The following ARHGAP44 variants were observed in gnomAD, a reference collection of about 807,000 sequenced individuals.
The protein encoded by ARHGAP44 is rho GTPase-activating protein 44.
ARHGAP44 carries 43 observed loss-of-function variants against 106.8 expected under a neutral mutation model. The observed-to-expected ratio is 0.40, with a 90% CI of 0.32 to 0.52. The LOEUF (loss-of-function observed/expected upper bound fraction) is 0.52, where lower values mean the gene tolerates loss of function less well. Ranked by LOEUF, ARHGAP44 falls within the 20% of genes least tolerant of loss-of-function variation. The pLI is 0.48. For missense variants in ARHGAP44, 866 were observed against 1,050.5 expected (o/e 0.82, Z 2.43); for synonymous variants, 439 against 410.3 (o/e 1.07, Z -0.85).
chr17:12,853,547 G>A (rs1456825930), intron 1 of ARHGAP44, among the ~76,000 whole-genome samples: 1 of 152,196 alleles, frequency 6.6e-6, no homozygotes, highest in Non-Finnish European at 1.5e-5. Flanking sequence ...AAAGGTAAAT[G>A]TGAGGACAGC....
At chr17:12,820,860 C>T (rs532525019) in intron 1 of ARHGAP44, among the ~76,000 whole-genome samples, 1 of 152,262 alleles carries the variant, frequency 6.6e-6, no homozygotes, top group South Asian at 2.1e-4. Context: ...CTCGGAAGAA[C>T]AACCTTTGTT....
At position 12,986,785 on chromosome 17, in the gene ARHGAP44, G is replaced by C. The variant is rs557110515; in HGVS notation, c.2317+1877G>C. 16 of 271,756 alleles carry C rather than the reference G, an allele frequency of 5.9e-5. No homozygotes were observed. In the South Asian group the frequency reaches 2.1e-3, roughly 36 times the overall value. 16.8% of individuals were successfully genotyped at this position (271,756 alleles called of 1,614,324 possible). Reference sequence around the variant, plus strand: ...GGGGAACAAAAGTGGGCAACAGAAGGCCTGGGAGGACAGCACCCCCAGGGC... The same window carrying C: ...GGGGAACAAAAGTGGGCAACAGAAGCCCTGGGAGGACAGCACCCCCAGGGC... On this transcript the variant is annotated intron_variant, in intron 20 of 20. Coordinates refer to ENST00000379672, the MANE Select transcript of ARHGAP44 (RefSeq NM_014859.6).
At chr17:12,801,361 A>G (rs1015743426) in intron 1 of ARHGAP44, among the ~76,000 whole-genome samples, 1 of 152,346 alleles carries the variant, frequency 6.6e-6, no homozygotes, top group Middle Eastern at 3.4e-3. Flanking sequence ...TTATCCTCCC[A>G]ACAACTCTTA....
intron 18 of ARHGAP44, among the ~76,000 whole-genome samples, chr17:12,977,873 A>C: frequency 6.6e-6 from 1 of 151,958 alleles, no homozygotes; most frequent in East Asian, 1.9e-4. Flanking sequence ...CCCCGTCTGT[A>C]CTATAAATAC....
intron 18 of ARHGAP44, among the ~76,000 whole-genome samples, chr17:12,978,780 C>G (rs2039760572): frequency 6.6e-6 from 1 of 151,728 alleles, no homozygotes; most frequent in African/African-American, 2.4e-5. Flanking sequence ...CCTCCATCTC[C>G]CGGGTTCAAG....
chr17:12,990,293 C>A lies in ARHGAP44; in HGVS notation c.*122C>A. 2.3e-6 allele frequency: 3 copies of A among 1,332,818 alleles called. No homozygotes were observed. Among genetic ancestry groups the A allele is most frequent in the South Asian group, 1.5e-5 (1 of 65,972 alleles). 82.6% of individuals were successfully genotyped at this position (1,332,818 alleles called of 1,614,324 possible). On this transcript the variant is annotated 3_prime_UTR_variant, in exon 21 of 21. Coordinates refer to ENST00000379672, the MANE Select transcript of ARHGAP44 (RefSeq NM_014859.6). ...TGGCTCTTTCCTGCCACTGCCAACA[C>A]GAGGTTGGAATTTGGCAGAAAATTG...
At chr17:12,984,943 T>A in intron 20 of ARHGAP44, 35 bp downstream of exon 20, 2 of 1,564,232 alleles carry the variant, frequency 1.3e-6, no homozygotes, top group Non-Finnish European at 1.7e-6. Context: ...CTTTTTTTTA[T>A]GAACTTTAGT....
At chr17:12,931,308 G>A (rs2038392856) in intron 7 of ARHGAP44, among the ~76,000 whole-genome samples, 1 of 152,026 alleles carries the variant, frequency 6.6e-6, no homozygotes, top group African/African-American at 2.4e-5. Flanking sequence ...CTGACCTCAG[G>A]TGATCTGCCC....
chr17:12,876,374 C>T (rs911959393), intron 1 of ARHGAP44, among the ~76,000 whole-genome samples: 1 of 152,300 alleles, frequency 6.6e-6, no homozygotes, highest in Middle Eastern at 3.4e-3. Flanking sequence ...CCCCATGTGG[C>T]GCTACCTGCT....
chr17:12,901,626 G>A (rs1173169140), intron 3 of ARHGAP44, among the ~76,000 whole-genome samples: 2 of 152,066 alleles, frequency 1.3e-5, no homozygotes, highest in African/African-American at 2.4e-5. Context: ...AGGTCTCATG[G>A]TCTCAACCCC....
chr17:12,970,095 G>A (rs1401374814), intron 16 of ARHGAP44, among the ~76,000 whole-genome samples: 1 of 152,156 alleles, frequency 6.6e-6, no homozygotes, highest in Admixed American at 6.5e-5. Flanking sequence ...CCCATCCTGT[G>A]CATCTCAATG....
chr17:12,801,226 C>T (rs2034084524), intron 1 of ARHGAP44, among the ~76,000 whole-genome samples: 2 of 152,242 alleles, frequency 1.3e-5, no homozygotes, highest in Non-Finnish European at 2.9e-5. Context: ...GCTTTTAGCA[C>T]TAGGAATCTC....
At position 12,898,738 on chromosome 17, in the gene ARHGAP44, A is replaced by T. The variant is rs535181794; in HGVS notation, c.198+2227A>T. 2.0e-5 allele frequency among the ~76,000 whole-genome samples: 3 copies of T among 152,298 alleles called. No individual in the cohort carries two copies. In the South Asian group the frequency reaches 6.2e-4, roughly 32 times the overall value. ...GCTGCAAGGGAGGCTGAGAAGGTGA[A>T]TATGTGTCCAAGATAAATGGGTTTG... On this transcript the variant is annotated intron_variant, in intron 3 of 20. Coordinates refer to ENST00000379672, the MANE Select transcript of ARHGAP44 (RefSeq NM_014859.6).
chr17:12,942,699 C>G (rs149661514), intron 8 of ARHGAP44, among the ~76,000 whole-genome samples: 1 of 152,176 alleles, frequency 6.6e-6, no homozygotes, highest in Non-Finnish European at 1.5e-5. Context: ...CCACAACAAG[C>G]CTTCAAGCAG....
chr17:12,967,060 C>G (rs1193376598), intron 16 of ARHGAP44, among the ~76,000 whole-genome samples: 1 of 149,642 alleles, frequency 6.7e-6, no homozygotes, highest in Non-Finnish European at 1.5e-5. Context: ...CTTCCTTCTC[C>G]TCCTCCTTCC....
chr17:12,815,010 G>A (rs2034556222), intron 1 of ARHGAP44, among the ~76,000 whole-genome samples: 1 of 152,104 alleles, frequency 6.6e-6, no homozygotes, highest in African/African-American at 2.4e-5. Context: ...CCTACCCAGG[G>A]CATTAGAAAC....
chr17:12,986,935 T>C, intron 20 of ARHGAP44: 1 of 632,410 alleles, frequency 1.6e-6, no homozygotes, highest in Non-Finnish European at 2.7e-6. Flanking sequence ...AGACTGTTGT[T>C]TTGTCCCATA....
At position 12,953,923 on chromosome 17, in the gene ARHGAP44, A is replaced by G. The variant is rs545083237; in HGVS notation, c.1136+1342A>G. On this transcript the variant is annotated intron_variant, in intron 13 of 20. Coordinates refer to ENST00000379672, the MANE Select transcript of ARHGAP44 (RefSeq NM_014859.6). ...TTTTCTTGAGACAGAGTCTCACTCT[A>G]TCTCCCAGGCTGGAGTCCAGTGGTG... Among the ~76,000 whole-genome samples, 111 of 152,188 alleles carry G rather than the reference A, an allele frequency of 7.3e-4. 2 individuals are homozygous for G. The South Asian group carries it at 0.011, about 15-fold the overall frequency.
intron 18 of ARHGAP44, among the ~76,000 whole-genome samples, chr17:12,978,678 CTTT>C (rs2039755689): frequency 7.1e-6 from 1 of 140,746 alleles, no homozygotes; most frequent in East Asian, 2.1e-4. Flanking sequence ...TTTTTTTTTT[CTTT>C]TCTTTTTTCT....
Sources: allele counts gnomAD v4.1 joint callset (sites outside exome capture counted in the v4.1 genomes callset), GRCh38; gene constraint gnomAD v4.1.1; transcripts MANE v1.5; gene names NCBI Gene and HGNC (gene_info 2026-07-23, HGNC 2026-07-21).